Variants in CSMD1 observed in about 807,000 individuals in gnomAD.
CSMD1 encodes the protein CUB and Sushi multiple domains 1, also known as CUB and sushi domain-containing protein 1.
In CSMD1, 213 loss-of-function variants were observed where a neutral mutation model predicts 417.5. That is an observed-to-expected ratio of 0.51 (90% confidence interval 0.46 to 0.57). The LOEUF is 0.57. Ranked by LOEUF, CSMD1 falls within the 20% of genes least tolerant of loss-of-function variation. The pLI is 0.00. For synonymous variants in CSMD1, 2,862 were observed against 1,736.8 expected, an observed-to-expected ratio of 1.65 and a Z score of -16.11; for missense variants, 6,923 against 4,529.7, an observed-to-expected ratio of 1.53 and a Z score of -15.17.
At chr8:3,728,514 C>T (rs549091029) in intron 6 of CSMD1, among the ~76,000 whole-genome samples, 31 of 152,310 alleles carry the variant, frequency 2.0e-4, no homozygotes, top group African/African-American at 5.1e-4. Context: ...AAACTTAGCA[C>T]TTTTCTTTCA....
intron 1 of CSMD1, among the ~76,000 whole-genome samples, chr8:4,756,197 T>A (rs1811658110): frequency 6.6e-6 from 1 of 152,234 alleles, no homozygotes; most frequent in South Asian, 2.1e-4. Flanking sequence ...ACTGTTGATC[T>A]ATTTAACATC....
chr8:4,434,376 T>A (rs537996052), intron 2 of CSMD1, among the ~76,000 whole-genome samples: 63 of 152,246 alleles, frequency 4.1e-4, no homozygotes, highest in Admixed American at 7.9e-4. Context: ...ACTAACTAAC[T>A]GGATCTAAGA....
intron 3 of CSMD1, among the ~76,000 whole-genome samples, chr8:4,062,318 T>G (rs1200084983): frequency 6.6e-6 from 1 of 152,020 alleles, no homozygotes; most frequent in Admixed American, 6.6e-5. Flanking sequence ...GACTTCTAAA[T>G]AATATGGTCC....
At chr8:4,296,009 CCAA>C (rs1797660978) in intron 3 of CSMD1, among the ~76,000 whole-genome samples, 1 of 151,884 alleles carries the variant, frequency 6.6e-6, no homozygotes, top group East Asian at 1.9e-4. Flanking sequence ...GACTTTATCT[CCAA>C]CAACATCTTA....
intron 41 of CSMD1, among the ~76,000 whole-genome samples, chr8:3,127,148 T>C (rs1015198915): frequency 2.0e-5 from 3 of 152,160 alleles, no homozygotes; most frequent in African/African-American, 4.8e-5. Context: ...ATCTTAGCCT[T>C]TTCTGTCTCG....
At chr8:4,071,759 G>C (rs990645070) in intron 3 of CSMD1, among the ~76,000 whole-genome samples, 3 of 152,184 alleles carry the variant, frequency 2.0e-5, no homozygotes, top group South Asian at 2.1e-4. Flanking sequence ...TTTCGTCTTT[G>C]GGGTTTTATT....
At chr8:3,720,871 G>C (rs112615804) in intron 6 of CSMD1, among the ~76,000 whole-genome samples, 8,473 of 152,014 alleles carry the variant, frequency 0.056, 547 homozygotes, top group African/African-American at 0.16. Context: ...AAGTGCAATG[G>C]CGTGATCTCG....
At chr8:4,935,598 A>G (rs1454248629) in intron 1 of CSMD1, among the ~76,000 whole-genome samples, 1 of 152,160 alleles carries the variant, frequency 6.6e-6, no homozygotes, top group African/African-American at 2.4e-5. Context: ...CTATAAGCCT[A>G]TTTTCATTTG....
intron 3 of CSMD1, among the ~76,000 whole-genome samples, chr8:4,345,497 G>C (rs1436191839): frequency 6.6e-6 from 1 of 151,716 alleles, no homozygotes; most frequent in African/African-American, 2.4e-5. Flanking sequence ...ATATAGCAAA[G>C]GAAACAGTGA....
chr8:3,787,670 T>C (rs1225972993), intron 5 of CSMD1, among the ~76,000 whole-genome samples: 1 of 152,200 alleles, frequency 6.6e-6, no homozygotes, highest in Non-Finnish European at 1.5e-5. Context: ...TAATTTAGTA[T>C]TGTTTACAAA....
chr8:3,725,272 G>A (rs150915257), intron 6 of CSMD1, among the ~76,000 whole-genome samples: 18 of 152,282 alleles, frequency 1.2e-4, no homozygotes, highest in East Asian at 3.9e-4. Context: ...CAATGAGTTT[G>A]GCAGGTCCAG....
At chr8:4,464,046 A>C (rs1800001392) in intron 2 of CSMD1, among the ~76,000 whole-genome samples, 1 of 152,194 alleles carries the variant, frequency 6.6e-6, no homozygotes, top group Non-Finnish European at 1.5e-5. Flanking sequence ...ACGAATTAAA[A>C]AAAAAGGAAT....
intron 10 of CSMD1, among the ~76,000 whole-genome samples, chr8:3,522,177 T>C (rs944235489): frequency 2.0e-5 from 3 of 152,230 alleles, no homozygotes; most frequent in African/African-American, 7.2e-5. Context: ...TGTTCAGCAA[T>C]GTGAAAAATC....
chr8:4,231,113 T>C (rs1801698260), intron 3 of CSMD1, among the ~76,000 whole-genome samples: 1 of 152,194 alleles, frequency 6.6e-6, no homozygotes, highest in South Asian at 2.1e-4. Flanking sequence ...CAAGGATATA[T>C]GTTGAACTAC....
intron 18 of CSMD1, among the ~76,000 whole-genome samples, chr8:3,383,835 A>C (rs1563332150): frequency 6.6e-6 from 1 of 152,198 alleles, no homozygotes; most frequent in Non-Finnish European, 1.5e-5. Context: ...AAATGTCAGC[A>C]AACAGTAGAA....
intron 37 of CSMD1, among the ~76,000 whole-genome samples, chr8:3,172,866 C>T (rs934673568): frequency 1.3e-5 from 2 of 152,088 alleles, no homozygotes; most frequent in East Asian, 1.9e-4. Flanking sequence ...GAGTGAGAAG[C>T]GGCAATATTT....
chr8:3,466,970 A>G (rs572398462), intron 12 of CSMD1, among the ~76,000 whole-genome samples: 1 of 152,120 alleles, frequency 6.6e-6, no homozygotes, highest in Non-Finnish European at 1.5e-5. Context: ...CCTTTGGACT[A>G]TTCTTTTGTC....
chr8:4,676,912 T>G (rs1379042544), intron 1 of CSMD1, among the ~76,000 whole-genome samples: 1 of 148,964 alleles, frequency 6.7e-6, no homozygotes, highest in Non-Finnish European at 1.5e-5. Context: ...TACAGGAATT[T>G]TATATACATA....
chr8:3,760,079 A>T (rs1797908524), intron 5 of CSMD1, among the ~76,000 whole-genome samples: 1 of 152,072 alleles, frequency 6.6e-6, no homozygotes, highest in Non-Finnish European at 1.5e-5. Flanking sequence ...ATTGGTGCTT[A>T]AAAAACAAGG....
Sources: gnomAD v4.1 joint callset for allele counts (sites outside exome capture counted in the v4.1 genomes callset) on GRCh38, gnomAD v4.1.1 for gene constraint, MANE v1.5 for transcripts, NCBI Gene and HGNC (gene_info 2026-07-23, HGNC 2026-07-21) for gene names.